The following TLR3 variants were observed in gnomAD, a reference collection of about 807,000 sequenced individuals.
TLR3 encodes toll like receptor 3, also known as toll-like receptor 3.
TLR3 carries 43 observed loss-of-function variants against 66.4 expected under a neutral mutation model. That is an observed-to-expected ratio of 0.65 (90% CI 0.51 to 0.83). The LOEUF is 0.83. Among genes scored for constraint, TLR3 ranks in the 40% least tolerant of loss-of-function variants. TLR3 has a pLI of 0.00. For missense variants in TLR3, 982 were observed against 1,044.6 expected, an observed-to-expected ratio of 0.94 and a Z score of 0.83; for synonymous variants, 397 against 397.2, an observed-to-expected ratio of 1.00 and a Z score of 0.01.
Position 186,083,610 on chromosome 4 carries a change from A to G in TLR3, c.1924A>G (p.Met642Val). Reference sequence around the variant, plus strand: ...TTTCAGGAACCTGACTGAGTTAGATATGCGCTTTAATCCCTTTGATTGCAC... The same window carrying G: ...TTTCAGGAACCTGACTGAGTTAGATGTGCGCTTTAATCCCTTTGATTGCAC... Reference protein sequence around the residue: ...PAFRNLTELDMRFNPFDCTCE... With the variant: ...PAFRNLTELDVRFNPFDCTCE... Residue 642 changes from methionine (M) to valine (V), a missense_variant, in exon 4 of 5, where the codon ATG becomes GTG. This residue lies in a region of TLR3 where 666 missense variants were observed against 709.0 expected (regional missense o/e 0.94). Coordinates refer to ENST00000296795, the MANE Select transcript of TLR3 (RefSeq NM_003265.3). This position sits in a 1 kb window ranked among gnomAD's most constrained non-coding sequence, Gnocchi z 4.0. The G allele has an allele frequency of 6.2e-7, 1 of 1,609,992 alleles. No individual in the cohort carries two copies. Among genetic ancestry groups the G allele is most frequent in the Non-Finnish European group, 8.5e-7 (1 of 1,178,594 alleles).
chr4:186,072,806 A>C (rs2099301733), intron 1 of TLR3, among the ~76,000 whole-genome samples: 1 of 152,198 alleles, frequency 6.6e-6, no homozygotes, highest in Non-Finnish European at 1.5e-5. Flanking sequence ...GGCAAACCAT[A>C]TCGGCTATGT....
chr4:186,070,196 A>T (rs879007925), intron 1 of TLR3, among the ~76,000 whole-genome samples: 1 of 151,858 alleles, frequency 6.6e-6, no homozygotes. Context: ...CTTCACTCTC[A>T]TTTCATCCTT....
At chr4:186,080,856 T>G (rs1248011330) in intron 3 of TLR3, among the ~76,000 whole-genome samples, 1 of 152,128 alleles carries the variant, frequency 6.6e-6, no homozygotes, top group East Asian at 1.9e-4. Flanking sequence ...CCTCCCAAAG[T>G]GCTGGGATTA....
At chr4:186,073,247 T>C (rs6552949) in intron 1 of TLR3, among the ~76,000 whole-genome samples, 118,750 of 151,866 alleles carry the variant, frequency 0.78, 46,623 homozygotes, top group African/African-American at 0.85. Flanking sequence ...GGACCAGGCG[T>C]GGTGGCTCAC....
rs1300389280 is a variant in TLR3 at position 186,087,644 on chromosome 4, A to G, written c.*2771A>G. 6.6e-6 allele frequency: 1 copy of G among 152,224 alleles called. No homozygotes were observed. The highest frequency in any genetic ancestry group is 1.5e-5 in the Non-Finnish European group (1 of 68,032). The allele number at this position is 152,224 out of a possible 1,614,324, so 9.4% of individuals were successfully genotyped here. ...AAATGATAACTTTTAGACTGTAATC[A>G]GAGGTAGATGCTATCAATTTGTTAG... On this transcript the variant is annotated 3_prime_UTR_variant, in exon 5 of 5. Transcript: ENST00000296795.
chr4:186,079,224 A>G (rs2099302999), intron 3 of TLR3, among the ~76,000 whole-genome samples, 193 bp downstream of exon 3: 1 of 151,932 alleles, frequency 6.6e-6, no homozygotes, highest in African/African-American at 2.4e-5. Context: ...GGGAGACGGG[A>G]CTCTGCCGCC....
At position 186,083,757 on chromosome 4, in the gene TLR3, T is replaced by C; in HGVS notation, c.2071T>C (p.Phe691Leu). ...PHYHGFPVRLFDTSSCKDSAP... is the reference protein window; with the variant it reads ...PHYHGFPVRLLDTSSCKDSAP... ...CTATCATGGGTTCCCAGTGAGACTT[T>C]TTGATACATCATCTTGCAAAGACAG... is the stretch of plus-strand genomic sequence containing the variant. The change falls in exon 4 of 5, where the codon TTT becomes CTT. Residue 691 changes from phenylalanine (F) to leucine (L), a missense_variant. Transcript: ENST00000296795. This position sits in a 1 kb window ranked among gnomAD's most constrained non-coding sequence, Gnocchi z 4.0. 1 of 1,613,962 alleles carries C rather than the reference T, an allele frequency of 6.2e-7. No individual in the cohort carries two copies. Among genetic ancestry groups the C allele is most frequent in the South Asian group, 1.1e-5 (1 of 90,972 alleles).
At position 186,084,070 on chromosome 4, in the gene TLR3, C is replaced by A; in HGVS notation, c.2384C>A (p.Ala795Glu). ...KFCLEERDFEAGVFELEAIVN... is the reference protein window; with the variant it reads ...KFCLEERDFEEGVFELEAIVN... The stretch of plus-strand genomic sequence containing the variant: ...TGTCTGGAAGAAAGGGACTTTGAGG[C>A]GGGTGTTTTTGAACTAGAAGCAATT... The change falls in exon 4 of 5, where the codon GCG (alanine) becomes GAG (glutamate). Residue 795 changes from alanine (A) to glutamate (E), a missense_variant. Transcript: ENST00000296795. The A allele has an allele frequency of 6.2e-7, 1 of 1,614,038 alleles. No individual in the cohort carries two copies. The highest frequency in any genetic ancestry group is 1.1e-5 in the South Asian group (1 of 91,068).
intron 1 of TLR3, among the ~76,000 whole-genome samples, chr4:186,073,167 A>G (rs2099301799): frequency 6.6e-6 from 1 of 152,058 alleles, no homozygotes; most frequent in Admixed American, 6.6e-5. Flanking sequence ...TAAAACATTT[A>G]CTCGGTTTCT....
chr4:186,083,578 G>C lies in TLR3; in HGVS notation c.1892G>C (p.Gly631Ala). The change falls in exon 4 of 5, where the codon GGG becomes GCG. Residue 631 changes from glycine to alanine, a missense_variant. Gly to Ala is a moderately conservative substitution (Grantham distance 60). This residue lies in a region of TLR3 where 666 missense variants were observed against 709.0 expected (regional missense o/e 0.94). Coordinates refer to ENST00000296795, the MANE Select transcript of TLR3 (RefSeq NM_003265.3). This position sits in a 1 kb window ranked among gnomAD's most constrained non-coding sequence, Gnocchi z 4.0. ...ACATCCGTTGAGAAGAAGGTTTTCG[G>C]GCCAGCTTTCAGGAACCTGACTGAG... ...LITSVEKKVF[G>A]PAFRNLTELD... 1 of 1,612,848 alleles carries C rather than the reference G, an allele frequency of 6.2e-7. No homozygotes were observed. The highest frequency in any genetic ancestry group is 2.2e-5 in the East Asian group (1 of 44,874).
rs772939343 is a variant in TLR3, at chr4:186,082,904, T to C, written c.1218T>C (p.His406=). The C allele has an allele frequency of 1.2e-6, 2 of 1,614,122 alleles. No homozygotes were observed. Among genetic ancestry groups the C allele is most frequent in the Non-Finnish European group, 1.7e-6 (2 of 1,180,016 alleles). ...LTNETFVSLA[H]SPLHILNLTK... is the part of the protein sequence containing the mutation. The stretch of plus-strand genomic sequence containing the variant: ...ATGAAACATTTGTATCACTTGCTCA[T>C]TCTCCCTTACACATACTCAACCTAA... Residue 406 remains histidine, a synonymous_variant, in exon 4 of 5, where the codon CAT becomes CAC. Transcript: ENST00000296795.
In TLR3 at chr4:186,085,113, G is replaced by T. The variant is rs76877525; in HGVS notation, c.*240G>T. On this transcript the variant is annotated 3_prime_UTR_variant, in exon 5 of 5. Coordinates refer to ENST00000296795, the MANE Select transcript of TLR3 (RefSeq NM_003265.3). ...TAAGCACGTAAGAACATTGTCTACTGATTAATATACAATCAGCCACTGAGC... is the reference window on the plus strand; with the variant it reads ...TAAGCACGTAAGAACATTGTCTACTTATTAATATACAATCAGCCACTGAGC... The T allele has an allele frequency of 1.2e-3, 614 of 516,228 alleles. 2 individuals are homozygous for T. Among genetic ancestry groups the T allele is most frequent in the African/African-American group, 0.011 (555 of 52,216 alleles). 32.0% of individuals were successfully genotyped at this position (516,228 alleles called of 1,614,324 possible).
At chr4:186,072,566 C>T (rs1051908505) in intron 1 of TLR3, among the ~76,000 whole-genome samples, 5 of 152,212 alleles carry the variant, frequency 3.3e-5, no homozygotes, top group African/African-American at 1.2e-4. Context: ...CCACCTTGGC[C>T]TCCCAAGTGC....
rs763113132 is a variant in TLR3 at position 186,082,546 on chromosome 4, A to G, written c.860A>G (p.Asn287Ser). The G allele has an allele frequency of 3.7e-6, 6 of 1,614,150 alleles. 1 individual carries two copies. The South Asian group carries it at 6.6e-5, about 18-fold the overall frequency. The change falls in exon 4 of 5, where the codon AAT becomes AGT. Residue 287 changes from asparagine to serine, a missense_variant. Asn to Ser is a conservative substitution (Grantham distance 46). Around this residue, in one of 3 missense-constraint regions of TLR3, gnomAD observed 313 missense variants for 319.0 expected, o/e 0.98. Transcript: ENST00000296795. ...TMLDLSYNNL[N>S]VVGNDSFAWL... ...CTCGATCTTTCCTACAACAACTTAA[A>G]TGTGGTTGGTAACGATTCCTTTGCT...
At chr4:186,072,118 A>T (rs1271455931) in intron 1 of TLR3, among the ~76,000 whole-genome samples, 1 of 152,176 alleles carries the variant, frequency 6.6e-6, no homozygotes, top group East Asian at 1.9e-4. Flanking sequence ...GAGACTGGTC[A>T]TTTATAAAGA....
At chr4:186,081,258 A>T (rs896549659) in intron 3 of TLR3, among the ~76,000 whole-genome samples, 14 of 126,196 alleles carry the variant, frequency 1.1e-4, no homozygotes, top group Non-Finnish European at 2.0e-4. Context: ...GACAGAGCGA[A>T]ACTCTGTCTC....
Position 186,084,927 on chromosome 4 carries a change from C to A in TLR3, c.*54C>A. 1 of 1,455,590 alleles carries A rather than the reference C, an allele frequency of 6.9e-7. No homozygotes were observed. Among genetic ancestry groups the A allele is most frequent in the Non-Finnish European group, 9.5e-7 (1 of 1,052,224 alleles). 90.2% of individuals were successfully genotyped at this position (1,455,590 alleles called of 1,614,324 possible). ...AGAAACTTTCTCAATTTAAAAAGTT[C>A]TATGGCAAATTTAAGTTTTCCATAA... On this transcript the variant is annotated 3_prime_UTR_variant, in exon 5 of 5. Transcript: ENST00000296795.
chr4:186,077,832 GAA>G (rs11364853), intron 2 of TLR3, among the ~76,000 whole-genome samples: 26 of 149,302 alleles, frequency 1.7e-4, no homozygotes, highest in East Asian at 3.9e-4. Flanking sequence ...TAGAGCACCA[GAA>G]AAAAAAAAAC....
chr4:186,083,755 T>A lies in TLR3; in HGVS notation c.2069T>A (p.Leu690His). The A allele has an allele frequency of 6.2e-7, 1 of 1,613,906 alleles. No homozygotes were observed. The highest frequency in any genetic ancestry group is 1.1e-5 in the South Asian group (1 of 90,958). Residue 690 changes from leucine (L) to histidine (H), a missense_variant, in exon 4 of 5, where the codon CTT becomes CAT. This residue lies in a region of TLR3 where 666 missense variants were observed against 709.0 expected (regional missense o/e 0.94). Transcript: ENST00000296795. The surrounding 1 kb of genome is among the most constrained non-coding windows in gnomAD (Gnocchi z 4.0). ...CACTATCATGGGTTCCCAGTGAGAC[T>A]TTTTGATACATCATCTTGCAAAGAC... ...PPHYHGFPVR[L>H]FDTSSCKDSA...
Sources: gnomAD v4.1 joint callset for allele counts (sites outside exome capture counted in the v4.1 genomes callset) on GRCh38, gnomAD v4.1.1 for gene constraint, gnomAD v4.1.1 regional missense constraint, Gnocchi (gnomAD v3.1) non-coding constraint, MANE v1.5 for transcripts, NCBI Gene and HGNC (gene_info 2026-07-23, HGNC 2026-07-21) for gene names.